DOCK7: variants seen among roughly 807,000 people sequenced by gnomAD.
DOCK7 encodes the protein dedicator of cytokinesis protein 7.
A neutral mutation model predicts 271.0 loss-of-function variants in DOCK7; 138 were observed. The ratio of observed to expected loss-of-function variants is 0.51; its 90% CI spans 0.44 to 0.59. DOCK7 has a LOEUF of 0.59. Ranked by LOEUF, DOCK7 falls within the 20% of genes least tolerant of loss-of-function variation. The pLI, the probability that DOCK7 is intolerant of heterozygous loss-of-function variation, is 0.00. For missense variants in DOCK7, 2,066 were observed against 2,592.4 expected (o/e 0.80, Z 4.41); for synonymous variants, 823 against 876.1 (o/e 0.94, Z 1.07).
At chr1:62,665,714 C>CAAAAAAAA (rs59439795) in intron 1 of DOCK7, among the ~76,000 whole-genome samples, 1 of 43,096 alleles carries the variant, frequency 2.3e-5, no homozygotes, top group Non-Finnish European at 4.1e-5. Flanking sequence ...GACTCCATCT[C>CAAAAAAAA]AAAAAAAAAA....
intron 48 of DOCK7, among the ~76,000 whole-genome samples, chr1:62,469,490 A>G (rs2149248026): frequency 6.6e-6 from 1 of 152,326 alleles, no homozygotes; most frequent in South Asian, 2.1e-4. Context: ...AAATCCTTCT[A>G]GACATTGGCT....
chr1:62,464,123 C>G (rs1185619), intron 48 of DOCK7, among the ~76,000 whole-genome samples: 146,913 of 152,068 alleles, frequency 0.97, 71,181 homozygotes, highest in Middle Eastern at 1. Context: ...ACAGTGGTGC[C>G]ATCTCGGCTT....
At chr1:62,635,097 ATT>A (rs1655096791) in intron 8 of DOCK7, 175 bp from the exon 9 acceptor site, 1 of 413,536 alleles carries the variant, frequency 2.4e-6, no homozygotes, top group Non-Finnish European at 4.3e-6. Flanking sequence ...TTAAATTTCT[ATT>A]TTCTTTTTAA....
intron 1 of DOCK7, among the ~76,000 whole-genome samples, chr1:62,668,124 T>A (rs1049386677): frequency 1.3e-5 from 2 of 152,238 alleles, no homozygotes; most frequent in African/African-American, 4.8e-5. Flanking sequence ...AAAAAATGTT[T>A]AACCTGAATC....
chr1:62,650,534 C>G (rs1196865712), intron 4 of DOCK7, among the ~76,000 whole-genome samples: 1 of 151,876 alleles, frequency 6.6e-6, no homozygotes, highest in Admixed American at 6.6e-5. Context: ...AAAATTTTTG[C>G]AATCTACTCA....
At chr1:62,503,116 T>C (rs1011042056) in intron 37 of DOCK7, among the ~76,000 whole-genome samples, 10 of 152,124 alleles carry the variant, frequency 6.6e-5, no homozygotes, top group African/African-American at 2.4e-4. Flanking sequence ...GATACAGTAG[T>C]TATGAGTATT....
chr1:62,598,937 C>A, intron 14 of DOCK7: 1 of 664,842 alleles, frequency 1.5e-6, no homozygotes, highest in Non-Finnish European at 2.7e-6. Flanking sequence ...GTTAAAATTG[C>A]AGGCTCTGAA....
chr1:62,528,406 TTATAGTTA>T, intron 30 of DOCK7, 101 bp from the exon 31 acceptor site: 1 of 1,081,750 alleles, frequency 9.2e-7, no homozygotes, highest in Non-Finnish European at 1.3e-6. Context: ...TGTTGACATG[TTATAGTTA>T]TTAGATTTAC....
At chr1:62,607,627 G>A (rs1040388530) in intron 14 of DOCK7, 15 of 152,174 alleles carry the variant, frequency 9.9e-5, no homozygotes, top group Admixed American at 5.2e-4. Flanking sequence ...CTGAAGAAGT[G>A]TAACAGCAGA....
rs951365251 is a variant in DOCK7, at chr1:62,688,340, C to A, written c.-76G>T. 17 of 984,158 alleles carry A rather than the reference C, an allele frequency of 1.7e-5. No homozygotes were observed. The African/African-American group carries it at 2.6e-4, about 15-fold the overall frequency. 61.0% of individuals were successfully genotyped at this position (984,158 alleles called of 1,614,324 possible). Reference sequence around the variant, plus strand: ...GGACCGGCGGGCGCGTGCCTCCTCGCTCGTGCTCCCTCCCTCGCGGCCTCC... The same window carrying A: ...GGACCGGCGGGCGCGTGCCTCCTCGATCGTGCTCCCTCCCTCGCGGCCTCC... On this transcript the variant is annotated 5_prime_UTR_variant, in exon 1 of 50. Coordinates refer to ENST00000635253, the MANE Select transcript of DOCK7 (RefSeq NM_001367561.1).
intron 48 of DOCK7, among the ~76,000 whole-genome samples, chr1:62,466,621 T>C (rs1390001586): frequency 6.6e-6 from 1 of 152,052 alleles, no homozygotes; most frequent in East Asian, 1.9e-4. Context: ...CTTGAAGTGG[T>C]CTACTTGCCC....
intron 9 of DOCK7, 153 bp downstream of exon 9, chr1:62,634,620 G>T: frequency 1.5e-6 from 1 of 664,024 alleles, no homozygotes; most frequent in East Asian, 2.9e-5. Context: ...AAATTAGGTA[G>T]CACCTACTGT....
chr1:62,485,215 A>G (rs1264336006), intron 43 of DOCK7: 1 of 985,312 alleles, frequency 1.0e-6, no homozygotes, highest in Non-Finnish European at 1.2e-6. Flanking sequence ...AAAAGTGAAC[A>G]CTAAACAGCC....
At chr1:62,498,953 C>T (rs1232327994) in intron 37 of DOCK7, among the ~76,000 whole-genome samples, 1 of 152,146 alleles carries the variant, frequency 6.6e-6, no homozygotes, top group East Asian at 1.9e-4. Context: ...AGGCGCCCGC[C>T]ACCATGCTTG....
chr1:62,620,428 A>G (rs1040435740), intron 12 of DOCK7, among the ~76,000 whole-genome samples: 2 of 152,014 alleles, frequency 1.3e-5, no homozygotes, highest in African/African-American at 4.8e-5. Context: ...ATAAAAAATT[A>G]AATTAAAATT....
At chr1:62,528,117 A>G in intron 31 of DOCK7, 34 bp downstream of exon 31, 1 of 1,577,990 alleles carries the variant, frequency 6.3e-7, no homozygotes, top group Non-Finnish European at 8.6e-7. Flanking sequence ...TTGTCTTTCT[A>G]GAAAAAAAAA....
At chr1:62,640,394 C>T (rs1306714010) in intron 7 of DOCK7, among the ~76,000 whole-genome samples, 1 of 152,030 alleles carries the variant, frequency 6.6e-6, no homozygotes, top group Non-Finnish European at 1.5e-5. Context: ...TGGTGGCAGG[C>T]GCCTGTAGTC....
At chr1:62,474,957 A>G (rs1645928624) in intron 47 of DOCK7, among the ~76,000 whole-genome samples, 2 of 152,236 alleles carry the variant, frequency 1.3e-5, no homozygotes, top group Admixed American at 1.3e-4. Context: ...AGGTTCGCAA[A>G]TATGTACATA....
chr1:62,573,912 G>A (rs919437848), intron 18 of DOCK7, among the ~76,000 whole-genome samples: 1 of 152,098 alleles, frequency 6.6e-6, no homozygotes, highest in Non-Finnish European at 1.5e-5. Context: ...TTATAGGTAT[G>A]AGTCACCATG....
Sources: gnomAD v4.1 joint callset for allele counts (sites outside exome capture counted in the v4.1 genomes callset) on GRCh38, gnomAD v4.1.1 for gene constraint, MANE v1.5 for transcripts, NCBI Gene and HGNC (gene_info 2026-07-23, HGNC 2026-07-21) for gene names.